MPDZ: variants seen among roughly 807,000 people sequenced by gnomAD.
The protein encoded by MPDZ is multiple PDZ domain protein.
A neutral mutation model predicts 239.1 loss-of-function variants in MPDZ; 234 were observed. The ratio of observed to expected loss-of-function variants is 0.98; its 90% CI spans 0.88 to 1.09. The LOEUF (loss-of-function observed/expected upper bound fraction) is 1.09, where lower values mean the gene tolerates loss of function less well. Ranked by LOEUF, MPDZ falls within the 50% of genes least tolerant of loss-of-function variation. The pLI is 0.00. For missense variants in MPDZ, 3,175 were observed against 2,510.0 expected (o/e 1.26, Z -5.66); for synonymous variants, 1,048 against 881.3 (o/e 1.19, Z -3.35).
Position 13,122,190 on chromosome 9 carries a change from A to T in MPDZ, c.4954-20T>A. 2 of 1,607,006 alleles carry T rather than the reference A, an allele frequency of 1.2e-6. No homozygotes were observed. Among genetic ancestry groups the T allele is most frequent in the Non-Finnish European group, 8.5e-7 (1 of 1,173,778 alleles). ...GGCACCCTAAGGGCCCAAACAAAAC[A>T]TACCCATACTTATCCCATTCTCCTA... On this transcript the variant is annotated intron_variant, in intron 36 of 46. Transcript: ENST00000319217.
chr9:13,138,831 A>T (rs1165321329), intron 28 of MPDZ, among the ~76,000 whole-genome samples: 1 of 152,212 alleles, frequency 6.6e-6, no homozygotes, highest in African/African-American at 2.4e-5. Flanking sequence ...CGACCAGCCA[A>T]CAGCCAGCAC....
chr9:13,167,906 G>A (rs564491372), intron 22 of MPDZ, among the ~76,000 whole-genome samples: 2 of 152,172 alleles, frequency 1.3e-5, no homozygotes, highest in African/African-American at 4.8e-5. Context: ...CTCAAGAAAC[G>A]GTAAGTTTTG....
At position 13,121,823 on chromosome 9, in the gene MPDZ, T is replaced by C. The variant is rs1391115874; in HGVS notation, c.5147A>G (p.Lys1716Arg). The C allele has an allele frequency of 6.2e-7, 1 of 1,613,904 alleles. No homozygotes were observed. Among genetic ancestry groups the C allele is most frequent in the African/African-American group, 1.3e-5 (1 of 75,026 alleles). ...LTLYRDEAPY[K>R]EEEVCDTLTI... The stretch of plus-strand genomic sequence containing the variant: ...GAGGGTGTCACACACTTCCTCCTCT[T>C]TGTATGGGGCCTCATCTCTGTAGAG... The change falls in exon 38 of 47, where the codon AAA (lysine) becomes AGA (arginine). Residue 1716 changes from lysine to arginine, a missense_variant. Physicochemically the swap from Lys to Arg is conservative, Grantham distance 26. Coordinates refer to ENST00000319217, the MANE Select transcript of MPDZ (RefSeq NM_001378778.1).
intron 3 of MPDZ, among the ~76,000 whole-genome samples, chr9:13,240,579 G>GAAAAAAAAAAAAAAAA (rs1965149632): frequency 1.7e-4 from 1 of 5,726 alleles, no homozygotes; most frequent in Non-Finnish European, 5.4e-4. Context: ...CATAATAAAA[G>GAAAAAAAAAAAAAAAA]TAAAAAAAAA....
intron 38 of MPDZ, 199 bp from the exon 39 acceptor site, chr9:13,119,848 G>T (rs921835979): frequency 6.7e-6 from 4 of 593,552 alleles, no homozygotes; most frequent in Admixed American, 2.9e-5. Context: ...GTGCTTCATA[G>T]ATTAAAATGA....
chr9:13,204,487 T>C (rs985893075), intron 12 of MPDZ, among the ~76,000 whole-genome samples: 2 of 152,094 alleles, frequency 1.3e-5, no homozygotes, highest in Non-Finnish European at 2.9e-5. Flanking sequence ...CCTAAGTTTA[T>C]AGTGAGAGAA....
chr9:13,145,702 T>A (rs1312670803), intron 26 of MPDZ, among the ~76,000 whole-genome samples: 1 of 152,010 alleles, frequency 6.6e-6, no homozygotes, highest in Non-Finnish European at 1.5e-5. Context: ...ACAAGATTTA[T>A]CCTGGAACAA....
chr9:13,200,864 G>A (rs888384190), intron 12 of MPDZ, among the ~76,000 whole-genome samples: 1 of 151,758 alleles, frequency 6.6e-6, no homozygotes, highest in Admixed American at 6.6e-5. Context: ...TCCATATGTT[G>A]TTGAAAAAAA....
intron 3 of MPDZ, among the ~76,000 whole-genome samples, chr9:13,242,046 T>C (rs1278043964): frequency 6.6e-6 from 1 of 152,084 alleles, no homozygotes; most frequent in East Asian, 1.9e-4. Flanking sequence ...TTGTGTGGCC[T>C]TGGGCAGAAA....
chr9:13,242,094 G>A (rs987645065), intron 3 of MPDZ, among the ~76,000 whole-genome samples: 4 of 151,058 alleles, frequency 2.6e-5, no homozygotes, highest in Admixed American at 2.6e-4. Flanking sequence ...TGTATTCTTA[G>A]AATTAGTAAG....
intron 19 of MPDZ, among the ~76,000 whole-genome samples, 161 bp downstream of exon 19, chr9:13,183,257 A>G (rs10733255): frequency 1 from 151,597 of 152,078 alleles, 75,559 homozygotes; most frequent in Middle Eastern, 1. Context: ...TCCAACCAAC[A>G]TTAGCTAAAT....
chr9:13,203,128 T>C (rs1180374638), intron 12 of MPDZ, among the ~76,000 whole-genome samples: 1 of 152,196 alleles, frequency 6.6e-6, no homozygotes, highest in Non-Finnish European at 1.5e-5. Context: ...TATCAGACTG[T>C]ACCCCAAACA....
chr9:13,247,440 T>C (rs1966824518), intron 3 of MPDZ, among the ~76,000 whole-genome samples, 195 bp downstream of exon 3: 1 of 152,120 alleles, frequency 6.6e-6, no homozygotes, highest in African/African-American at 2.4e-5. Context: ...TCATCTACAA[T>C]ATACAGCAAC....
At chr9:13,110,208 G>A (rs1452508980) in intron 44 of MPDZ, 144 bp from the exon 45 acceptor site, 1 of 651,636 alleles carries the variant, frequency 1.5e-6, no homozygotes, top group East Asian at 2.7e-5. Context: ...TACAACCAAA[G>A]AGAATGAAAT....
At chr9:13,151,705 G>C (rs1384571816) in intron 24 of MPDZ, among the ~76,000 whole-genome samples, 1 of 152,016 alleles carries the variant, frequency 6.6e-6, no homozygotes, top group Non-Finnish European at 1.5e-5. Flanking sequence ...AAAAAGTTCT[G>C]TAGCTAGACG....
At chr9:13,111,889 T>C (rs1260409376) in intron 43 of MPDZ, 135 bp downstream of exon 43, 1 of 745,104 alleles carries the variant, frequency 1.3e-6, no homozygotes, top group Non-Finnish European at 2.0e-6. Context: ...CAAGCCTTGC[T>C]GTGGTTGGAT....
At chr9:13,206,938 CA>C (rs1250750693) in intron 10 of MPDZ, among the ~76,000 whole-genome samples, 1 of 152,086 alleles carries the variant, frequency 6.6e-6, no homozygotes, top group African/African-American at 2.4e-5. Flanking sequence ...CTCAGCCTTC[CA>C]AAATGGTGAG....
intron 22 of MPDZ, among the ~76,000 whole-genome samples, chr9:13,166,655 C>T (rs2041567041): frequency 2.0e-5 from 3 of 151,960 alleles, no homozygotes; most frequent in Admixed American, 2.0e-4. Flanking sequence ...TTCTATAGTA[C>T]ATTTTGCCTC....
intron 10 of MPDZ, among the ~76,000 whole-genome samples, chr9:13,209,972 G>A (rs994528746): frequency 3.1e-4 from 47 of 150,476 alleles, no homozygotes; most frequent in African/African-American, 1.1e-3. Context: ...GATGATAAAT[G>A]AGGGGGAAAA....
Sources: allele counts gnomAD v4.1 joint callset (sites outside exome capture counted in the v4.1 genomes callset), GRCh38; gene constraint gnomAD v4.1.1; transcripts MANE v1.5; gene names NCBI Gene and HGNC (gene_info 2026-07-23, HGNC 2026-07-21).